TAGLN3: variants seen among roughly 807,000 people sequenced by gnomAD.
TAGLN3 encodes transgelin 3.
In TAGLN3, 12 loss-of-function variants were observed where a neutral mutation model predicts 25.4. That is an observed-to-expected ratio of 0.47 (90% CI 0.30 to 0.77). The LOEUF (loss-of-function observed/expected upper bound fraction) is 0.77. Ranked by LOEUF, TAGLN3 falls within the 30% of genes least tolerant of loss-of-function variation. TAGLN3 has a pLI of 0.06. For synonymous variants in TAGLN3, 96 were observed against 94.8 expected (o/e 1.01, Z -0.08); for missense variants, 218 against 255.8 (o/e 0.85, Z 1.01).
chr3:112,003,640 C>G (rs1459325782), intron 3 of TAGLN3, among the ~76,000 whole-genome samples: 2 of 152,160 alleles, frequency 1.3e-5, no homozygotes, highest in African/African-American at 4.8e-5. Flanking sequence ...TTAATGCTGT[C>G]CTCACATATC....
chr3:112,010,373 T>C (rs74716111), intron 3 of TAGLN3, among the ~76,000 whole-genome samples: 1 of 152,158 alleles, frequency 6.6e-6, no homozygotes, highest in Non-Finnish European at 1.5e-5. Context: ...TTTATTTCTC[T>C]AGGTTCCCTT....
Position 112,011,846 on chromosome 3 carries a change from G to C in TAGLN3, c.439G>C (p.Glu147Gln), listed in dbSNP as rs1372306970. ...VTKDDGCYRG[E>Q]PSWFHRKAQQ... Reference sequence around the variant, plus strand: ...CAAGGATGATGGCTGCTATCGGGGAGAGCCATCCTGGTTTCACAGGTAAAA... The same window carrying C: ...CAAGGATGATGGCTGCTATCGGGGACAGCCATCCTGGTTTCACAGGTAAAA... The change falls in exon 4 of 5, where the codon GAG becomes CAG. Residue 147 changes from glutamate (E) to glutamine (Q), a missense_variant. Coordinates refer to ENST00000478951, the MANE Select transcript of TAGLN3 (RefSeq NM_001008272.2). The C allele has an allele frequency of 9.3e-6, 15 of 1,613,880 alleles. No homozygotes were observed. Among genetic ancestry groups the C allele is most frequent in the Non-Finnish European group, 1.2e-5 (14 of 1,179,882 alleles).
chr3:111,999,386 G>A, intron 1 of TAGLN3, 35 bp from the exon 2 acceptor site: 1 of 1,607,182 alleles, frequency 6.2e-7, no homozygotes, highest in Non-Finnish European at 8.5e-7. Flanking sequence ...TGCTGCTATT[G>A]TGTGGATGCC....
In TAGLN3 at chr3:112,011,990, A is replaced by T. The variant is rs148307269; in HGVS notation, c.458+125A>T. On this transcript the variant is annotated intron_variant, in intron 4 of 4. Coordinates refer to ENST00000478951, the MANE Select transcript of TAGLN3 (RefSeq NM_001008272.2). ...CAGGACCAAGCACTGCTGTCTCCAC[A>T]ACTGAGTTCCCCAAAGCAATGAAAG... is the stretch of plus-strand genomic sequence containing the variant. 2.0e-4 allele frequency: 157 copies of T among 788,918 alleles called. No individual in the cohort carries two copies. In the African/African-American group the frequency reaches 2.5e-3, roughly 12 times the overall value. 48.9% of individuals were successfully genotyped at this position (788,918 alleles called of 1,614,324 possible).
At chr3:112,005,082 G>A (rs1266307470) in intron 3 of TAGLN3, among the ~76,000 whole-genome samples, 1 of 152,116 alleles carries the variant, frequency 6.6e-6, no homozygotes, top group African/African-American at 2.4e-5. Context: ...ATGAGTTTTG[G>A]AGTCAGGTGG....
At chr3:112,005,191 A>T (rs1052201365) in intron 3 of TAGLN3, among the ~76,000 whole-genome samples, 3 of 152,076 alleles carry the variant, frequency 2.0e-5, no homozygotes, top group Admixed American at 2.0e-4. Context: ...AACAGTTCTA[A>T]TGCCTCTCTT....
At chr3:112,000,199 T>C (rs1478096902) in intron 2 of TAGLN3, among the ~76,000 whole-genome samples, 1 of 152,218 alleles carries the variant, frequency 6.6e-6, no homozygotes, top group African/African-American at 2.4e-5. Context: ...CAGTCTGTGA[T>C]TTACTGTTAC....
Position 112,011,792 on chromosome 3 carries a change from C to G in TAGLN3, c.385C>G (p.Leu129Val), listed in dbSNP as rs747509782. 6.2e-7 allele frequency: 1 copy of G among 1,613,656 alleles called. No individual in the cohort carries two copies. Among genetic ancestry groups the G allele is most frequent in the African/African-American group, 1.3e-5 (1 of 75,008 alleles). Residue 129 changes from leucine to valine, a missense_variant, in exon 4 of 5, where the codon CTG becomes GTG. Leu to Val is a conservative substitution (Grantham distance 32). Coordinates refer to ENST00000478951, the MANE Select transcript of TAGLN3 (RefSeq NM_001008272.2). Reference protein sequence around the residue: ...GKDMAAVQRTLMALGSVAVTK... With the variant: ...GKDMAAVQRTVMALGSVAVTK... ...GGACATGGCAGCTGTGCAGAGGACC[C>G]TGATGGCTTTAGGCAGCGTTGCAGT...
intron 2 of TAGLN3, among the ~76,000 whole-genome samples, chr3:112,000,338 T>G (rs2072841751): frequency 6.6e-6 from 1 of 152,210 alleles, no homozygotes; most frequent in Non-Finnish European, 1.5e-5. Context: ...AATTGAAGCC[T>G]GCTTAATTTG....
At chr3:112,012,348 A>C (rs13063561) in intron 4 of TAGLN3, among the ~76,000 whole-genome samples, 66,865 of 149,770 alleles carry the variant, frequency 0.45, 17,156 homozygotes, top group Middle Eastern at 0.62. Context: ...TAAATATGTC[A>C]TGTTTGTTTG....
rs1328536888 is a variant in TAGLN3, at chr3:112,013,413, A to G, written c.462A>G (p.Lys154=). The G allele has an allele frequency of 6.2e-7, 1 of 1,610,344 alleles. No homozygotes were observed. Among genetic ancestry groups the G allele is most frequent in the African/African-American group, 1.3e-5 (1 of 74,802 alleles). Residue 154 remains lysine (K), a synonymous_variant, in exon 5 of 5, where the codon AAA becomes AAG. Transcript: ENST00000478951. Reference sequence around the variant, plus strand: ...CCCTCTCACTTTCCTTGTCCAGGAAAGCCCAGCAGAATCGGAGAGGCTTTT... The same window carrying G: ...CCCTCTCACTTTCCTTGTCCAGGAAGGCCCAGCAGAATCGGAGAGGCTTTT... The part of the protein sequence containing the change: ...YRGEPSWFHR[K]AQQNRRGFSE...
intron 3 of TAGLN3, among the ~76,000 whole-genome samples, chr3:112,003,173 T>A (rs1305987623): frequency 6.6e-6 from 1 of 152,006 alleles, no homozygotes; most frequent in Non-Finnish European, 1.5e-5. Context: ...TGCTTCAGAG[T>A]TTCCAAATGG....
rs544411786 is a variant in TAGLN3, at chr3:112,012,642, A to G, written c.459-768A>G. ...TTAAAAAAAAAAAAGTTACCAGCTT[A>G]TGTCATTTTAAAGAACACTCGCCCT... On this transcript the variant is annotated intron_variant, in intron 4 of 4. Coordinates refer to ENST00000478951, the MANE Select transcript of TAGLN3 (RefSeq NM_001008272.2). 5.9e-5 allele frequency among the ~76,000 whole-genome samples: 9 copies of G among 151,806 alleles called. No individual in the cohort carries two copies. The East Asian group carries it at 1.7e-3, about 30-fold the overall frequency.
rs762939781 is a variant in TAGLN3 at position 112,013,618 on chromosome 3, T to C, written c.*67T>C. ...CACCATGGTCTCTACGAAAAAGAAA[T>C]AGTTAGTCACCTTCTGACCTTCTCC... is the stretch of plus-strand genomic sequence containing the variant. On this transcript the variant is annotated 3_prime_UTR_variant, in exon 5 of 5. Coordinates refer to ENST00000478951, the MANE Select transcript of TAGLN3 (RefSeq NM_001008272.2). 1.9e-6 allele frequency: 3 copies of C among 1,606,834 alleles called. No individual in the cohort carries two copies. Among genetic ancestry groups the C allele is most frequent in the Non-Finnish European group, 1.7e-6 (2 of 1,175,488 alleles).
intron 3 of TAGLN3, among the ~76,000 whole-genome samples, chr3:112,008,430 T>C (rs1284666162): frequency 6.6e-6 from 1 of 152,226 alleles, no homozygotes; most frequent in Admixed American, 6.5e-5. Flanking sequence ...TCTTCCTGCC[T>C]CAGCCTCCCA....
At chr3:112,005,324 G>T (rs969255792) in intron 3 of TAGLN3, among the ~76,000 whole-genome samples, 15 of 152,208 alleles carry the variant, frequency 9.9e-5, no homozygotes, top group African/African-American at 3.4e-4. Flanking sequence ...GATCTTTTTG[G>T]TTCATTTGTA....
At chr3:112,008,230 A>G (rs768526769) in intron 3 of TAGLN3, among the ~76,000 whole-genome samples, 9 of 152,168 alleles carry the variant, frequency 5.9e-5, no homozygotes, top group African/African-American at 2.2e-4. Flanking sequence ...TACTTGCACA[A>G]TTTTGAAGGC....
At chr3:111,999,167 G>T (rs1315384412) in intron 1 of TAGLN3, 53 bp downstream of exon 1, 1 of 391,816 alleles carries the variant, frequency 2.6e-6, no homozygotes, top group Non-Finnish European at 4.7e-6. Context: ...TAGGGAGGGG[G>T]ATTCCAGCCC....
intron 3 of TAGLN3, among the ~76,000 whole-genome samples, chr3:112,005,146 C>T (rs968788929): frequency 6.6e-6 from 1 of 151,908 alleles, no homozygotes; most frequent in Non-Finnish European, 1.5e-5. Context: ...GTTTAAATTG[C>T]CTAGTTTCTC....
Sources: gnomAD v4.1 joint callset for allele counts (sites outside exome capture counted in the v4.1 genomes callset) on GRCh38, gnomAD v4.1.1 for gene constraint, MANE v1.5 for transcripts, NCBI Gene and HGNC (gene_info 2026-07-23, HGNC 2026-07-21) for gene names.